ZNF432: variants seen among roughly 807,000 people sequenced by gnomAD.
ZNF432 encodes zinc finger protein 432.
Under a neutral mutation model 13.9 loss-of-function variants are expected in ZNF432, and 10 were observed. The observed-to-expected ratio is 0.72, with a 90% CI of 0.44 to 1.22. The LOEUF is 1.22. Ranked by LOEUF, ZNF432 falls within the 50% of genes most tolerant of loss-of-function variation. ZNF432 has a pLI of 0.00. For synonymous variants in ZNF432, 247 were observed against 256.2 expected, an observed-to-expected ratio of 0.96 and a Z score of 0.34; for missense variants, 793 against 796.2, an observed-to-expected ratio of 1.00 and a Z score of 0.05.
At chr19:52,037,589 G>A (rs2087094871) in intron 4 of ZNF432, among the ~76,000 whole-genome samples, 1 of 152,058 alleles carries the variant, frequency 6.6e-6, no homozygotes, top group Non-Finnish European at 1.5e-5. Context: ...TTGAGCTCTG[G>A]AGTTCCAGAC....
At chr19:52,039,118 T>G (rs2087110577) in intron 4 of ZNF432, among the ~76,000 whole-genome samples, 1 of 152,230 alleles carries the variant, frequency 6.6e-6, no homozygotes, top group Non-Finnish European at 1.5e-5. Context: ...TGTCACACAC[T>G]GTGTGGCTGG....
chr19:52,043,984 C>G (rs1416312747), intron 2 of ZNF432, among the ~76,000 whole-genome samples: 1 of 152,088 alleles, frequency 6.6e-6, no homozygotes. Flanking sequence ...ACGCTGGTTC[C>G]CCGGGTCCCC....
At chr19:52,048,608 CCTCCA>C (rs2087218367) in intron 1 of ZNF432, 82 bp downstream of exon 1, 1 of 148,756 alleles carries the variant, frequency 6.7e-6, no homozygotes, top group African/African-American at 2.5e-5. Flanking sequence ...CCCCGCGCTA[CCTCCA>C]CCATATAGCG....
At chr19:52,039,365 T>C (rs2087112693) in intron 4 of ZNF432, among the ~76,000 whole-genome samples, 1 of 152,198 alleles carries the variant, frequency 6.6e-6, no homozygotes, top group African/African-American at 2.4e-5. Flanking sequence ...TAAAATGTGG[T>C]ATATCCATAC....
chr19:52,048,183 A>ACACACACACACACACACACAC (rs67232726), intron 1 of ZNF432, among the ~76,000 whole-genome samples: 70 of 145,344 alleles, frequency 4.8e-4, no homozygotes, highest in Non-Finnish European at 6.7e-4. Context: ...ACACACACAC[A>ACACACACACACACACACACAC]AAACCAGCCA....
At position 52,032,325 on chromosome 19, in the gene ZNF432, C is replaced by G. The variant is rs2087021615; in HGVS notation, c.*1395G>C. On this transcript the variant is annotated 3_prime_UTR_variant, in exon 5 of 5. Coordinates refer to ENST00000221315, the MANE Select transcript of ZNF432 (RefSeq NM_014650.4). ...ATTAAAATTTAATCAGTGATAAGAA[C>G]AGCCCGCTTTACAATTATGGAATCA... is the stretch of plus-strand genomic sequence containing the variant. 1 of 151,836 alleles carries G rather than the reference C, an allele frequency of 6.6e-6. No individual in the cohort carries two copies. The highest frequency in any genetic ancestry group is 2.4e-5 in the African/African-American group (1 of 41,304). 9.4% of individuals were successfully genotyped at this position (151,836 alleles called of 1,614,324 possible). A position where few individuals can be genotyped will look rare whatever the true frequency, so the allele number is the denominator to read the frequency against.
chr19:52,039,117 C>G (rs1418461115), intron 4 of ZNF432, among the ~76,000 whole-genome samples: 1 of 152,238 alleles, frequency 6.6e-6, no homozygotes, highest in East Asian at 1.9e-4. Flanking sequence ...CTGTCACACA[C>G]TGTGTGGCTG....
At chr19:52,035,830 G>C (rs886194002) in intron 4 of ZNF432, among the ~76,000 whole-genome samples, 1 of 152,108 alleles carries the variant, frequency 6.6e-6, no homozygotes, top group Admixed American at 6.6e-5. Context: ...ACCACACCTG[G>C]CCAGGTGTTT....
In ZNF432 at chr19:52,034,392, A is replaced by G. The variant is rs1173846682; in HGVS notation, c.1287T>C (p.Tyr429=). Residue 429 remains tyrosine, a synonymous_variant, in exon 5 of 5, where the codon TAT becomes TAC. Coordinates refer to ENST00000221315, the MANE Select transcript of ZNF432 (RefSeq NM_014650.4). ...HQRNHTVEKS[Y]LCSECGKGFT... is the part of the protein sequence containing the mutation. ...AACCTTTTCCACATTCACTACATAG[A>G]TATGACTTCTCTACTGTATGATTTC... 1.2e-6 allele frequency: 2 copies of G among 1,613,644 alleles called. No individual in the cohort carries two copies. The highest frequency in any genetic ancestry group is 1.7e-6 in the Non-Finnish European group (2 of 1,179,944).
chr19:52,046,656 A>T (rs1303047678), intron 2 of ZNF432, among the ~76,000 whole-genome samples, 198 bp downstream of exon 2: 2 of 152,178 alleles, frequency 1.3e-5, no homozygotes, highest in Non-Finnish European at 2.9e-5. Context: ...AATGGAAAGG[A>T]TCTTCTAGTC....
chr19:52,037,681 T>TTGGGATGTTGAGG (rs1263391031), intron 4 of ZNF432, among the ~76,000 whole-genome samples: 2 of 151,774 alleles, frequency 1.3e-5, no homozygotes, highest in Non-Finnish European at 2.9e-5. Flanking sequence ...TTTCAGCTAC[T>TTGGGATGTTGAGG]TGGGATGTTG....
At position 52,031,753 on chromosome 19, in the gene ZNF432, T is replaced by C. The variant is rs767666970; in HGVS notation, c.*1967A>G. ...TGGCTCATGCCTGTAATCCCAGCAC[T>C]TTGGGAGGCTGAGGCGGGTGGACCG... On this transcript the variant is annotated 3_prime_UTR_variant, in exon 5 of 5. Transcript: ENST00000221315. The C allele has an allele frequency of 3.3e-5, 5 of 152,416 alleles. No individual in the cohort carries two copies. The highest frequency in any genetic ancestry group is 5.9e-5 in the Non-Finnish European group (4 of 68,280). The allele number at this position is 152,416 out of a possible 1,614,324, so 9.4% of individuals were successfully genotyped here.
rs1485833199 is a variant in ZNF432, at chr19:52,035,129, T to C, written c.550A>G (p.Lys184Glu). The change falls in exon 5 of 5, where the codon AAA becomes GAA. Residue 184 changes from lysine (K) to glutamate (E), a missense_variant. By Grantham distance (56) the Lys-to-Glu change is moderately conservative. Transcript: ENST00000221315. Reference sequence around the variant, plus strand: ...ACTTGGGATTTAGTGCTATTGGCTTTTGTACTTACAGAGAATTTAGCTGCA... The same window carrying C: ...ACTTGGGATTTAGTGCTATTGGCTTCTGTACTTACAGAGAATTTAGCTGCA... ...YSAAKFSVST[K>E]ANSTKSQVSK... 3.1e-6 allele frequency: 5 copies of C among 1,613,988 alleles called. No individual in the cohort carries two copies. In the African/African-American group the frequency reaches 6.7e-5, roughly 22 times the overall value.
In ZNF432 at chr19:52,035,336, A is replaced by T. The variant is rs1297768236; in HGVS notation, c.343T>A (p.Ser115Thr). Reference sequence around the variant, plus strand: ...AAAAGACAAAGGCTTTTGGTTTGAGAGGCAGTATTTCCAAATGCATTATGT... The same window carrying T: ...AAAAGACAAAGGCTTTTGGTTTGAGTGGCAGTATTTCCAAATGCATTATGT... ...HEHNAFGNTA[S>T]QTKSLCLFRE... The change falls in exon 5 of 5, where the codon TCT (serine) becomes ACT (threonine). Residue 115 changes from serine to threonine, a missense_variant. Physicochemically the swap from Ser to Thr is moderately conservative, Grantham distance 58. Transcript: ENST00000221315. 1 of 1,612,656 alleles carries T rather than the reference A, an allele frequency of 6.2e-7. No individual in the cohort carries two copies. The highest frequency in any genetic ancestry group is 1.7e-5 in the Admixed American group (1 of 59,716).
chr19:52,034,721 T>C lies in ZNF432; in HGVS notation c.958A>G (p.Ser320Gly), dbSNP rs1258056530. The part of the protein sequence containing the change: ...NHTGEKSYIC[S>G]ECGKGFTGKS... ...CCAGTGAAGCCTTTTCCACATTCAC[T>C]ACATATATAGGATTTCTCTCCAGTA... Residue 320 changes from serine (S) to glycine (G), a missense_variant, in exon 5 of 5, where the codon AGT becomes GGT. Transcript: ENST00000221315. 1 of 1,613,828 alleles carries C rather than the reference T, an allele frequency of 6.2e-7. No individual in the cohort carries two copies. The highest frequency in any genetic ancestry group is 1.3e-5 in the African/African-American group (1 of 74,898).
rs1316404709 is a variant in ZNF432 at position 52,035,341 on chromosome 19, G to A, written c.338C>T (p.Thr113Ile). 1 of 1,612,396 alleles carries A rather than the reference G, an allele frequency of 6.2e-7. No homozygotes were observed. The highest frequency in any genetic ancestry group is 8.5e-7 in the Non-Finnish European group (1 of 1,179,626). ...QYHEHNAFGN[T>I]ASQTKSLCLF... Reference sequence around the variant, plus strand: ...ACAAAGGCTTTTGGTTTGAGAGGCAGTATTTCCAAATGCATTATGTTCATG... The same window carrying A: ...ACAAAGGCTTTTGGTTTGAGAGGCAATATTTCCAAATGCATTATGTTCATG... Residue 113 changes from threonine to isoleucine, a missense_variant, in exon 5 of 5, where the codon ACT becomes ATT. Coordinates refer to ENST00000221315, the MANE Select transcript of ZNF432 (RefSeq NM_014650.4).
At chr19:52,048,295 T>C (rs989237463) in intron 1 of ZNF432, among the ~76,000 whole-genome samples, 52 of 152,094 alleles carry the variant, frequency 3.4e-4, no homozygotes, top group African/African-American at 1.3e-3. Context: ...ACACGTACAC[T>C]GGATTCCCTT....
intron 2 of ZNF432, among the ~76,000 whole-genome samples, chr19:52,045,372 TC>T (rs1218784803): frequency 7.0e-6 from 1 of 142,738 alleles, no homozygotes; most frequent in Non-Finnish European, 1.5e-5. Context: ...TTTTTTTTTT[TC>T]GAGACGGAGT....
chr19:52,036,678 CT>C (rs915667620), intron 4 of ZNF432, among the ~76,000 whole-genome samples: 204 of 146,374 alleles, frequency 1.4e-3, no homozygotes, highest in Middle Eastern at 3.6e-3. Flanking sequence ...GACTGAATGA[CT>C]TTTTTTTTTT....
Sources: gnomAD v4.1 joint callset for allele counts (sites outside exome capture counted in the v4.1 genomes callset) on GRCh38, gnomAD v4.1.1 for gene constraint, MANE v1.5 for transcripts, NCBI Gene and HGNC (gene_info 2026-07-23, HGNC 2026-07-21) for gene names.